The following ZNF561 variants were observed in gnomAD, a reference collection of about 807,000 sequenced individuals.
ZNF561 encodes the protein zinc finger protein 561.
In ZNF561, 16 loss-of-function variants were observed where a neutral mutation model predicts 16.7. The observed-to-expected ratio is 0.96, with a 90% CI of 0.65 to 1.45. The LOEUF (loss-of-function observed/expected upper bound fraction) is 1.45, where lower values mean the gene tolerates loss of function less well. ZNF561 is among the 40% of genes most tolerant of loss of function. The probability of loss-of-function intolerance (pLI) is 0.00; values close to 1 mark genes in which losing one functional copy is unlikely to be tolerated. For missense variants in ZNF561, 580 were observed against 578.0 expected (o/e 1.00, Z -0.04); for synonymous variants, 190 against 192.1 (o/e 0.99, Z 0.09).
chr19:9,613,427 G>A (rs1376981452), intron 5 of ZNF561, among the ~76,000 whole-genome samples: 1 of 151,856 alleles, frequency 6.6e-6, no homozygotes, highest in Non-Finnish European at 1.5e-5. Context: ...AGAGATAAGA[G>A]TTTCATTACA....
At position 9,613,455 on chromosome 19, in the gene ZNF561, G is replaced by A. The variant is rs73006399; in HGVS notation, c.324+566C>T. 3.6e-3 allele frequency among the ~76,000 whole-genome samples: 549 copies of A among 152,052 alleles called. 2 individuals carry two copies. Among genetic ancestry groups the A allele is most frequent in the Non-Finnish European group, 6.2e-3 (424 of 67,992 alleles). ...TCATTACATTGGCCAGGCTGGTCTC[G>A]AAGTGCTAATCTCAAGTGATCCACG... On this transcript the variant is annotated intron_variant, in intron 5 of 5. Coordinates refer to ENST00000302851, the MANE Select transcript of ZNF561 (RefSeq NM_152289.3).
chr19:9,611,298 CTTACAG>C lies in ZNF561; in HGVS notation c.357_362del (p.Asp119_Lys121delinsGlu), dbSNP rs1385278822. On this transcript the variant is annotated inframe_deletion, in exon 6 of 6. Transcript: ENST00000302851. The stretch of plus-strand genomic sequence containing the variant: ...GTTCCCTGAAGACCTCTCCACAATT[CTTACAG>C]TCACAGAGTTTCCATCCACTGTAGC... 1.2e-6 allele frequency: 2 copies of C among 1,613,506 alleles called. No homozygotes were observed. The highest frequency in any genetic ancestry group is 1.3e-5 in the African/African-American group (1 of 74,918).
rs1379975078 is a variant in ZNF561, at chr19:9,616,168, T to TA, written c.241+876dup. On this transcript the variant is annotated intron_variant, in intron 4 of 5. Transcript: ENST00000302851. ...TAAAACATACTACAGCAGGGACTGT[T>TA]ACTTTGGGACTGTCTCTGTTATTCC... Among the ~76,000 whole-genome samples, 80 of 152,358 alleles carry TA rather than the reference T, an allele frequency of 5.3e-4. 1 individual carries two copies. Among genetic ancestry groups the TA allele is most frequent in the African/African-American group, 1.8e-3 (76 of 41,592 alleles).
intron 5 of ZNF561, 110 bp from the exon 6 acceptor site, chr19:9,611,446 T>A: frequency 8.6e-7 from 1 of 1,162,790 alleles, no homozygotes; most frequent in Non-Finnish European, 1.2e-6. Context: ...CTTTTTAATA[T>A]TTAATTTTTT....
Position 9,610,439 on chromosome 19 carries a change from G to A in ZNF561, c.1222C>T (p.Arg408Cys), listed in dbSNP as rs779531767. 130 of 1,611,444 alleles carry A rather than the reference G, an allele frequency of 8.1e-5. No individual in the cohort carries two copies. Among genetic ancestry groups the A allele is most frequent in the African/African-American group, 1.3e-4 (10 of 74,824 alleles). The part of the protein sequence containing the change: ...CGKTFITSSR[R>C]SKHLKTHSGE... ...CTATGAGTTTTCAAATGTTTACTAC[G>A]ACGGGAAGAAGTAATGAAGGTCTTC... Residue 408 changes from arginine (R) to cysteine (C), a missense_variant, in exon 6 of 6, where the codon CGT becomes TGT. Transcript: ENST00000302851.
At chr19:9,620,178 C>T (rs1040658139) in intron 1 of ZNF561, among the ~76,000 whole-genome samples, 1 of 152,180 alleles carries the variant, frequency 6.6e-6, no homozygotes, top group African/African-American at 2.4e-5. Context: ...CAACCTCTGC[C>T]TCCCAGGTGC....
chr19:9,614,001 A>C lies in ZNF561; in HGVS notation c.324+20T>G. 6.2e-7 allele frequency: 1 copy of C among 1,611,022 alleles called. No individual in the cohort carries two copies. The highest frequency in any genetic ancestry group is 1.3e-5 in the African/African-American group (1 of 74,960). On this transcript the variant is annotated intron_variant, in intron 5 of 5. Transcript: ENST00000302851. ...CTTTTCTAAGAGAGGAAATTAAGAA[A>C]TATCCCTCATGAATCTTACCATTTG...
intron 4 of ZNF561, among the ~76,000 whole-genome samples, chr19:9,614,988 G>C (rs2074528776): frequency 6.6e-6 from 1 of 151,888 alleles, no homozygotes; most frequent in Non-Finnish European, 1.5e-5. Context: ...AAAGGCGTGT[G>C]CCACCACGTC....
rs997899580 is a variant in ZNF561 at position 9,609,091 on chromosome 19, A to C, written c.*1109T>G. ...CAGGCATTCCTAAACCACAAACAAT[A>C]CCATGAGTGATTTGTGCCTTAAGGA... On this transcript the variant is annotated 3_prime_UTR_variant, in exon 6 of 6. Coordinates refer to ENST00000302851, the MANE Select transcript of ZNF561 (RefSeq NM_152289.3). 1 of 152,214 alleles carries C rather than the reference A, an allele frequency of 6.6e-6. No individual in the cohort carries two copies. Among genetic ancestry groups the C allele is most frequent in the Non-Finnish European group, 1.5e-5 (1 of 68,038 alleles). The allele number at this position is 152,214 out of a possible 1,614,324, so 9.4% of individuals were successfully genotyped here.
intron 2 of ZNF561, chr19:9,619,161 G>A (rs2074613479): frequency 4.9e-6 from 1 of 204,396 alleles, no homozygotes; most frequent in African/African-American, 2.3e-5. Flanking sequence ...GGAGGCTGAG[G>A]CAAGAGAATC....
intron 5 of ZNF561, among the ~76,000 whole-genome samples, chr19:9,612,507 C>T (rs1421847330): frequency 6.6e-6 from 1 of 152,082 alleles, no homozygotes; most frequent in Admixed American, 6.6e-5. Flanking sequence ...CGTGAGCCAC[C>T]ACACCCAGCC....
chr19:9,618,725 CA>C lies in ZNF561; in HGVS notation c.26-547del, dbSNP rs879286327. Among the ~76,000 whole-genome samples, 500 of 131,064 alleles carry C rather than the reference CA, an allele frequency of 3.8e-3. 8 individuals are homozygous for C. Among genetic ancestry groups the C allele is most frequent in the South Asian group, 0.03 (119 of 4,028 alleles). The allele number at this position is 131,064 out of a possible 152,430, so 86.0% of individuals were successfully genotyped here. A position where few individuals can be genotyped will look rare whatever the true frequency, so the allele number is the denominator to read the frequency against. Reference sequence around the variant, plus strand: ...TGGGTGACAGAGCAAGACTCCGTCTCAAAAAAAAAAAAAGTGACTCTCTATC... The same window carrying C: ...TGGGTGACAGAGCAAGACTCCGTCTCAAAAAAAAAAAAGTGACTCTCTATC... On this transcript the variant is annotated intron_variant, in intron 2 of 5. Coordinates refer to ENST00000302851, the MANE Select transcript of ZNF561 (RefSeq NM_152289.3).
At chr19:9,619,921 C>CCCATCTATCTATCTATCTATCTAT (rs2074636277) in intron 1 of ZNF561, among the ~76,000 whole-genome samples, 2 of 116,142 alleles carry the variant, frequency 1.7e-5, no homozygotes, top group Non-Finnish European at 4.0e-5. Flanking sequence ...CTATATCTAT[C>CCCATCTATCTATCTATCTATCTAT]CTATCTATCT....
At chr19:9,620,997 C>G (rs1216482477) in intron 1 of ZNF561, 165 bp downstream of exon 1, 1 of 152,264 alleles carries the variant, frequency 6.6e-6, no homozygotes, top group Non-Finnish European at 1.5e-5. Flanking sequence ...TGCAGTGAGC[C>G]GAGAGAGCGC....
At chr19:9,616,170 C>A (rs939419953) in intron 4 of ZNF561, among the ~76,000 whole-genome samples, 6 of 152,244 alleles carry the variant, frequency 3.9e-5, no homozygotes, top group Admixed American at 3.9e-4. Context: ...GGGACTGTTA[C>A]TTTGGGACTG....
intron 5 of ZNF561, among the ~76,000 whole-genome samples, chr19:9,613,716 C>T (rs1454825677): frequency 6.6e-6 from 1 of 152,202 alleles, no homozygotes; most frequent in East Asian, 1.9e-4. Flanking sequence ...GGAGTTTCAC[C>T]ATGTCGGCCA....
chr19:9,614,315 A>G (rs2074515101), intron 4 of ZNF561: 1 of 517,634 alleles, frequency 1.9e-6, no homozygotes, highest in Non-Finnish European at 3.4e-6. Context: ...CTACTTCTGT[A>G]AAAATTAAAA....
chr19:9,616,576 C>T (rs145858679), intron 4 of ZNF561, among the ~76,000 whole-genome samples: 388 of 151,778 alleles, frequency 2.6e-3, no homozygotes, highest in African/African-American at 4.5e-3. Context: ...CCACCACAAC[C>T]GGCCTAGTCT....
rs2074374303 is a variant in ZNF561 at position 9,607,706 on chromosome 19, AC to A, written c.*2493del. 1 of 152,156 alleles carries A rather than the reference AC, an allele frequency of 6.6e-6. No homozygotes were observed. The allele number at this position is 152,156 out of a possible 1,614,324, so 9.4% of individuals were successfully genotyped here. ...GCAAGAAAATATATATATAGGTATA[AC>A]CTAACGACTAAAGTGGAAAAGTAAG... On this transcript the variant is annotated 3_prime_UTR_variant, in exon 6 of 6. Coordinates refer to ENST00000302851, the MANE Select transcript of ZNF561 (RefSeq NM_152289.3).
Sources: allele counts gnomAD v4.1 joint callset (sites outside exome capture counted in the v4.1 genomes callset), GRCh38; gene constraint gnomAD v4.1.1; transcripts MANE v1.5; gene names NCBI Gene and HGNC (gene_info 2026-07-23, HGNC 2026-07-21).